SCN11A: variants seen among roughly 807,000 people sequenced by gnomAD.
SCN11A encodes sodium voltage-gated channel alpha subunit 11.
A neutral mutation model predicts 162.2 loss-of-function variants in SCN11A; 122 were observed. That is an observed-to-expected ratio of 0.75 (90% CI 0.65 to 0.87). The LOEUF (loss-of-function observed/expected upper bound fraction) is 0.87. SCN11A is among the 40% of genes least tolerant of loss of function. The pLI is 0.00. For synonymous variants in SCN11A, 758 were observed against 751.5 expected, an observed-to-expected ratio of 1.01 and a Z score of -0.14; for missense variants, 2,015 against 2,181.6, an observed-to-expected ratio of 0.92 and a Z score of 1.52.
chr3:38,859,090 A>T (rs1453120930), intron 28 of SCN11A, among the ~76,000 whole-genome samples: 1 of 152,166 alleles, frequency 6.6e-6, no homozygotes, highest in Non-Finnish European at 1.5e-5. Flanking sequence ...ACTCACAGAC[A>T]ATCTAAGGTC....
intron 2 of SCN11A, among the ~76,000 whole-genome samples, chr3:39,009,843 ATT>A (rs60263866): frequency 1.1e-3 from 128 of 115,306 alleles, no homozygotes; most frequent in Non-Finnish European, 1.4e-3. Context: ...CGCTCAGCTA[ATT>A]TTTTTTTTTT....
rs2066147162 is a variant in SCN11A at position 38,926,714 on chromosome 3, C to T, written c.617+89G>A. The T allele has an allele frequency of 8.0e-6, 11 of 1,370,350 alleles. No homozygotes were observed. In the South Asian group the frequency reaches 1.5e-4, roughly 18 times the overall value. The allele number at this position is 1,370,350 out of a possible 1,614,324, so 84.9% of individuals were successfully genotyped here. ...GGCATTACTAGGCCATACTCAGCCA[C>T]TCAAATGGATCCACACAGAGCTCTG... On this transcript the variant is annotated intron_variant, in intron 8 of 29. Transcript: ENST00000302328.
At chr3:38,981,825 C>T (rs186437059) in intron 2 of SCN11A, among the ~76,000 whole-genome samples, 23 of 151,860 alleles carry the variant, frequency 1.5e-4, no homozygotes, top group Non-Finnish European at 5.9e-5. Context: ...GCCAACATAG[C>T]AAAATCCTGT....
At chr3:38,869,648 G>A (rs978747279) in intron 26 of SCN11A, among the ~76,000 whole-genome samples, 2 of 151,924 alleles carry the variant, frequency 1.3e-5, no homozygotes, top group African/African-American at 2.4e-5. Context: ...CTTATCCCTC[G>A]GTGCTGCTAT....
At chr3:38,851,073 C>G (rs1053416216) in intron 28 of SCN11A, among the ~76,000 whole-genome samples, 1 of 152,164 alleles carries the variant, frequency 6.6e-6, no homozygotes, top group African/African-American at 2.4e-5. Flanking sequence ...TGAAATAAAA[C>G]AGTGCATGTT....
At chr3:38,964,968 C>T (rs1334929750) in intron 2 of SCN11A, among the ~76,000 whole-genome samples, 3 of 152,190 alleles carry the variant, frequency 2.0e-5, no homozygotes, top group African/African-American at 4.8e-5. Flanking sequence ...CAATGGACAA[C>T]GTTCAGTGTA....
At chr3:38,918,675 A>G (rs969158012) in intron 11 of SCN11A, among the ~76,000 whole-genome samples, 14 of 152,348 alleles carry the variant, frequency 9.2e-5, no homozygotes, top group Admixed American at 2.6e-4. Flanking sequence ...AACAATATCA[A>G]TGCAGTGTGT....
chr3:38,937,260 A>G (rs1361141567), intron 7 of SCN11A, among the ~76,000 whole-genome samples: 9 of 151,858 alleles, frequency 5.9e-5, no homozygotes, highest in Admixed American at 3.9e-4. Flanking sequence ...ACCTAAAACC[A>G]TAAAAATCCT....
chr3:38,987,831 C>T (rs1324754280), intron 2 of SCN11A, among the ~76,000 whole-genome samples: 1 of 152,188 alleles, frequency 6.6e-6, no homozygotes, highest in South Asian at 2.1e-4. Flanking sequence ...GACCACATCC[C>T]AAACCTGTCT....
intron 19 of SCN11A, among the ~76,000 whole-genome samples, chr3:38,886,610 A>G (rs1038084205): frequency 1.3e-5 from 2 of 152,168 alleles, no homozygotes; most frequent in Non-Finnish European, 2.9e-5. Flanking sequence ...TATTTAATAA[A>G]TGGTACACAA....
chr3:38,882,744 C>G (rs2065330492), intron 22 of SCN11A, among the ~76,000 whole-genome samples: 1 of 152,158 alleles, frequency 6.6e-6, no homozygotes, highest in African/African-American at 2.4e-5. Context: ...AAAGCAACAT[C>G]TCCTTGTCCT....
At chr3:39,051,836 T>C (rs1476966500) in intron 1 of SCN11A, among the ~76,000 whole-genome samples, 25 bp downstream of exon 1, 13 of 152,132 alleles carry the variant, frequency 8.5e-5, no homozygotes, top group Non-Finnish European at 1.5e-4. Context: ...ACTTGCACAG[T>C]GGTTTTGTTT....
At position 38,925,507 on chromosome 3, in the gene SCN11A, A is replaced by G. The variant is rs369521245; in HGVS notation, c.620T>C (p.Ile207Thr). The change falls in exon 9 of 30, where the codon ATT (isoleucine) becomes ACT (threonine). Residue 207 changes from isoleucine (I) to threonine (T), a missense_variant and splice_region_variant. By Grantham distance (89) the Ile-to-Thr change is moderately conservative. Transcript: ENST00000302328. ...GGTGATTCCTGGAATATATGACACA[A>G]TCCTACAAGACAAAGCACAGGGAAG... ...WLDSIVIGIA[I>T]VSYIPGITIK... 6 of 1,607,912 alleles carry G rather than the reference A, an allele frequency of 3.7e-6. No individual in the cohort carries two copies. The highest frequency in any genetic ancestry group is 5.1e-6 in the Non-Finnish European group (6 of 1,174,388).
At chr3:39,051,610 A>ATCACTTGGT (rs1177469006) in intron 1 of SCN11A, among the ~76,000 whole-genome samples, 5 of 152,106 alleles carry the variant, frequency 3.3e-5, no homozygotes, top group African/African-American at 1.2e-4. Context: ...TTAACAGTAA[A>ATCACTTGGT]TCACTTGGTT....
At chr3:38,877,095 T>C (rs1241492888) in intron 23 of SCN11A, among the ~76,000 whole-genome samples, 6 of 38,278 alleles carry the variant, frequency 1.6e-4, no homozygotes, top group African/African-American at 4.2e-4. Context: ...ATATATATGG[T>C]ATATATATGG....
chr3:38,909,932 G>T, intron 12 of SCN11A, 134 bp downstream of exon 12: 1 of 913,374 alleles, frequency 1.1e-6, no homozygotes. Context: ...AACTGTTAAA[G>T]ATGAGACAGA....
At chr3:39,013,343 T>C (rs2031201098) in intron 2 of SCN11A, among the ~76,000 whole-genome samples, 1 of 152,206 alleles carries the variant, frequency 6.6e-6, no homozygotes, top group African/African-American at 2.4e-5. Context: ...AAAATTTGTA[T>C]ATGCCATAGT....
intron 1 of SCN11A, among the ~76,000 whole-genome samples, chr3:39,046,470 C>T (rs1575373404): frequency 6.6e-6 from 1 of 151,912 alleles, no homozygotes; most frequent in African/African-American, 2.4e-5. Flanking sequence ...AATGGAATCC[C>T]TATCAAAATA....
intron 23 of SCN11A, among the ~76,000 whole-genome samples, chr3:38,874,010 A>G (rs1432037467): frequency 6.6e-6 from 1 of 152,154 alleles, no homozygotes. Context: ...ACTGGACAGT[A>G]TTATGCACAA....
Sources: allele counts gnomAD v4.1 joint callset (sites outside exome capture counted in the v4.1 genomes callset), GRCh38; gene constraint gnomAD v4.1.1; transcripts MANE v1.5; gene names NCBI Gene and HGNC (gene_info 2026-07-23, HGNC 2026-07-21).